WDR59: variants seen among roughly 807,000 people sequenced by gnomAD.
The protein encoded by WDR59 is GATOR2 complex protein WDR59.
In WDR59, 100 loss-of-function variants were observed where a neutral mutation model predicts 131.2. That is an observed-to-expected ratio of 0.76 (90% CI 0.65 to 0.90). The LOEUF (loss-of-function observed/expected upper bound fraction) is 0.90, where lower values mean the gene tolerates loss of function less well. Ranked by LOEUF, WDR59 falls within the 40% of genes least tolerant of loss-of-function variation. The pLI, the probability that WDR59 is intolerant of heterozygous loss-of-function variation, is 0.00. For synonymous variants in WDR59, 601 were observed against 466.2 expected (o/e 1.29, Z -3.72); for missense variants, 1,203 against 1,262.2 (o/e 0.95, Z 0.71).
At chr16:74,891,923 A>G (rs1004001841) in intron 20 of WDR59, among the ~76,000 whole-genome samples, 1 of 152,156 alleles carries the variant, frequency 6.6e-6, no homozygotes, top group Admixed American at 6.5e-5. Context: ...AACTCCATCA[A>G]AAAAAACAAA....
At chr16:74,875,440 C>CGGAAAGGGGGAAA (rs1285544645) in intron 25 of WDR59, among the ~76,000 whole-genome samples, 2 of 152,188 alleles carry the variant, frequency 1.3e-5, no homozygotes, top group East Asian at 3.8e-4. Context: ...CCAGCCTTTC[C>CGGAAAGGGGGAAA]CCCTTTTCTC....
chr16:74,896,741 C>T (rs956477970), intron 18 of WDR59, among the ~76,000 whole-genome samples: 2 of 152,136 alleles, frequency 1.3e-5, no homozygotes, highest in Non-Finnish European at 2.9e-5. Flanking sequence ...GCAAAACAGA[C>T]TAGCCCATTT....
At chr16:74,981,627 TATATATATATATATATATATATATA>T (rs1567450458) in intron 1 of WDR59, among the ~76,000 whole-genome samples, 22 of 2,034 alleles carry the variant, frequency 0.011, 2 homozygotes, top group African/African-American at 0.021. Flanking sequence ...TATATATATA[TATATATATATATATATATATATATA>T]TATATATATT....
At chr16:74,958,605 A>AAAAAAAAAAAAAAAAAAAAAAAAAAAAC (rs2033412718) in intron 2 of WDR59, among the ~76,000 whole-genome samples, 1 of 141,940 alleles carries the variant, frequency 7.0e-6, no homozygotes, top group Non-Finnish European at 1.5e-5. Flanking sequence ...AAAAAAAAAA[A>AAAAAAAAAAAAAAAAAAAAAAAAAAAAC]AAAAAAAAAA....
intron 1 of WDR59, among the ~76,000 whole-genome samples, chr16:74,979,379 T>C (rs1195094994): frequency 2.6e-5 from 4 of 151,286 alleles, no homozygotes; most frequent in Non-Finnish European, 4.4e-5. Flanking sequence ...GGCAGGAGAA[T>C]GGCATGAACC....
chr16:74,879,327 A>G (rs966220346), intron 25 of WDR59, among the ~76,000 whole-genome samples: 5 of 152,218 alleles, frequency 3.3e-5, no homozygotes, highest in Non-Finnish European at 7.3e-5. Context: ...TGTGCACTGC[A>G]GCCTGGGTGA....
intron 8 of WDR59, among the ~76,000 whole-genome samples, chr16:74,931,537 A>T (rs1167415970): frequency 1.3e-5 from 2 of 151,994 alleles, no homozygotes; most frequent in African/African-American, 4.8e-5. Context: ...GGGTTTTGCC[A>T]TGTTGCCCAG....
At chr16:74,907,070 A>G (rs931339737) in intron 17 of WDR59, among the ~76,000 whole-genome samples, 2 of 152,150 alleles carry the variant, frequency 1.3e-5, no homozygotes, top group Non-Finnish European at 2.9e-5. Flanking sequence ...TTCTACTCCA[A>G]TAAGGAATCG....
chr16:74,970,495 CAAAAAAAAA>C (rs746574195), intron 1 of WDR59, among the ~76,000 whole-genome samples: 42 of 33,428 alleles, frequency 1.3e-3, no homozygotes, highest in Non-Finnish European at 1.7e-3. Context: ...ACTCTGTCTC[CAAAAAAAAA>C]AAAAAAAAAA....
At position 74,981,633 on chromosome 16, in the gene WDR59, TATATATATATATATATA is replaced by T. The variant is rs2034415250; in HGVS notation, c.54+3314_54+3330del. Among the ~76,000 whole-genome samples, 44 of 17,568 alleles carry T rather than the reference TATATATATATATATATA, an allele frequency of 2.5e-3. 2 individuals carry two copies. The highest frequency in any genetic ancestry group is 8.5e-3 in the African/African-American group (43 of 5,032). 11.5% of individuals were successfully genotyped at this position (17,568 alleles called of 152,430 possible). On this transcript the variant is annotated intron_variant, in intron 1 of 25. Coordinates refer to ENST00000262144, the MANE Select transcript of WDR59 (RefSeq NM_030581.4). ...ATTTACATATATATATATATATATATATATATATATATATATATATATATATATTTTTTTTTTTTTTA... is the reference window on the plus strand; with the variant it reads ...ATTTACATATATATATATATATATATTATATATATATTTTTTTTTTTTTTA...
At chr16:74,906,668 A>C (rs1004661745) in intron 17 of WDR59, among the ~76,000 whole-genome samples, 3 of 152,236 alleles carry the variant, frequency 2.0e-5, no homozygotes, top group Non-Finnish European at 4.4e-5. Flanking sequence ...CATTCATACA[A>C]TGGACCTGCT....
intron 7 of WDR59, among the ~76,000 whole-genome samples, chr16:74,938,797 C>T (rs2032000069): frequency 6.6e-6 from 1 of 151,992 alleles, no homozygotes; most frequent in African/African-American, 2.4e-5. Flanking sequence ...TTTGGCCTCC[C>T]AAAGTGTCTG....
chr16:74,930,892 C>CAAAAAAAAAAAAAAAAAAAAAAAAAA (rs36074951), intron 8 of WDR59: 1 of 79,608 alleles, frequency 1.3e-5, no homozygotes, highest in Non-Finnish European at 2.2e-5. Flanking sequence ...GACTCCATCT[C>CAAAAAAAAAAAAAAAAAAAAAAAAAA]AAAAAAAAAA....
chr16:74,906,164 A>G (rs938495796), intron 17 of WDR59, among the ~76,000 whole-genome samples: 7 of 151,246 alleles, frequency 4.6e-5, no homozygotes, highest in Admixed American at 3.3e-4. Flanking sequence ...AATACAAAAA[A>G]TTAGCCGGGC....
intron 18 of WDR59, chr16:74,899,868 AC>A: frequency 1.3e-6 from 1 of 743,764 alleles, no homozygotes; most frequent in Non-Finnish European, 2.0e-6. Flanking sequence ...ATTCCAATGT[AC>A]CATAATACAC....
At chr16:74,962,560 G>C (rs551106857) in intron 2 of WDR59, among the ~76,000 whole-genome samples, 1 of 152,146 alleles carries the variant, frequency 6.6e-6, no homozygotes, top group African/African-American at 2.4e-5. Context: ...GCGAATGGGA[G>C]TTCATTCATG....
chr16:74,889,441 G>T (rs1247248699), intron 21 of WDR59, among the ~76,000 whole-genome samples: 1 of 152,116 alleles, frequency 6.6e-6, no homozygotes, highest in Non-Finnish European at 1.5e-5. Flanking sequence ...GTGATTTATG[G>T]ACTAAAGCAT....
intron 3 of WDR59, among the ~76,000 whole-genome samples, chr16:74,954,001 CA>C (rs71378722): frequency 1.2e-4 from 16 of 131,464 alleles, no homozygotes; most frequent in Admixed American, 1.5e-4. Flanking sequence ...GACTCCGTCT[CA>C]AAAAAAAAAA....
chr16:74,953,069 A>G (rs1027755568), intron 3 of WDR59, among the ~76,000 whole-genome samples: 5 of 152,120 alleles, frequency 3.3e-5, no homozygotes, highest in Non-Finnish European at 7.4e-5. Flanking sequence ...CACCCACATT[A>G]TAGATGAGGC....
Sources: allele counts gnomAD v4.1 joint callset (sites outside exome capture counted in the v4.1 genomes callset), GRCh38; gene constraint gnomAD v4.1.1; transcripts MANE v1.5; gene names NCBI Gene and HGNC (gene_info 2026-07-23, HGNC 2026-07-21).